GALR3: variants seen among roughly 807,000 people sequenced by gnomAD.
GALR3 encodes galanin receptor type 3.
Under a neutral mutation model 6.9 loss-of-function variants are expected in GALR3, and 5 were observed. The ratio of observed to expected loss-of-function variants is 0.72; its 90% CI spans 0.38 to 1.52. GALR3 has a LOEUF of 1.52. Among genes scored for constraint, GALR3 ranks in the 40% most tolerant of loss-of-function variants. The pLI is 0.03. For missense variants in GALR3, 570 were observed against 545.6 expected, an observed-to-expected ratio of 1.04 and a Z score of -0.44; for synonymous variants, 308 against 263.6, an observed-to-expected ratio of 1.17 and a Z score of -1.63.
chr22:37,824,334 T>G (rs1439655916), intron 1 of GALR3, among the ~76,000 whole-genome samples: 1 of 152,014 alleles, frequency 6.6e-6, no homozygotes, highest in African/African-American at 2.4e-5. Flanking sequence ...GCCTCCCAAG[T>G]GCTGGGATTA....
chr22:37,824,862 G>C lies in GALR3; in HGVS notation c.499G>C (p.Gly167Arg). 1 of 1,411,998 alleles carries C rather than the reference G, an allele frequency of 7.1e-7. No individual in the cohort carries two copies. The highest frequency in any genetic ancestry group is 9.3e-7 in the Non-Finnish European group (1 of 1,077,754). The allele number at this position is 1,411,998 out of a possible 1,614,324, so 87.5% of individuals were successfully genotyped here. Reference sequence around the variant, plus strand: ...CAGCTACTACGGCACCGTGCGCTACGGCGCGCTGGAGCTCTGCGTGCCCGC... The same window carrying C: ...CAGCTACTACGGCACCGTGCGCTACCGCGCGCTGGAGCTCTGCGTGCCCGC... ...YLSYYGTVRY[G>R]ALELCVPAWE... Residue 167 changes from glycine to arginine, a missense_variant, in exon 2 of 2, where the codon GGC (glycine) becomes CGC (arginine). Coordinates refer to ENST00000249041, the MANE Select transcript of GALR3 (RefSeq NM_003614.2).
rs1436459292 is a variant in GALR3 at position 37,825,377 on chromosome 22, G to T, written c.1014G>T (p.Arg338=). Residue 338 remains arginine (R), a synonymous_variant, in exon 2 of 2, where the codon CGG becomes CGT. Coordinates refer to ENST00000249041, the MANE Select transcript of GALR3 (RefSeq NM_003614.2). ...SGPPGCPGDA[R]PSGRLLAGGG... ...CACCCGGCTGCCCCGGAGACGCCCG[G>T]CCTAGCGGGAGGCTGCTGGCTGGTG... is the stretch of plus-strand genomic sequence containing the variant. The T allele has an allele frequency of 2.2e-6, 3 of 1,381,872 alleles. No homozygotes were observed. The highest frequency in any genetic ancestry group is 2.8e-5 in the Admixed American group (1 of 35,988). 85.6% of individuals were successfully genotyped at this position (1,381,872 alleles called of 1,614,324 possible). A position where few individuals can be genotyped will look rare whatever the true frequency, so the allele number is the denominator to read the frequency against.
chr22:37,824,790 G>A lies in GALR3; in HGVS notation c.427G>A (p.Val143Met). Residue 143 changes from valine (V) to methionine (M), a missense_variant, in exon 2 of 2, where the codon GTG (valine) becomes ATG (methionine). Coordinates refer to ENST00000249041, the MANE Select transcript of GALR3 (RefSeq NM_003614.2). ...CACGCCGCGTAACGCCCGCGCCGCAGTGGGGCTGGTGTGGCTGCTGGCGGC... is the reference window on the plus strand; with the variant it reads ...CACGCCGCGTAACGCCCGCGCCGCAATGGGGCTGGTGTGGCTGCTGGCGGC... ...LRTPRNARAA[V>M]GLVWLLAALF... The A allele has an allele frequency of 1.5e-6, 2 of 1,331,488 alleles. No individual in the cohort carries two copies. The highest frequency in any genetic ancestry group is 1.9e-6 in the Non-Finnish European group (2 of 1,039,656). 82.5% of individuals were successfully genotyped at this position (1,331,488 alleles called of 1,614,324 possible).
Position 37,823,716 on chromosome 22 carries a change from C to T in GALR3, c.310C>T (p.Leu104Phe). The change falls in exon 1 of 2, where the codon CTC becomes TTC. Residue 104 changes from leucine (L) to phenylalanine (F), a missense_variant. By Grantham distance (22) the Leu-to-Phe change is conservative (BLOSUM62 0). Transcript: ENST00000249041. Reference protein sequence around the residue: ...VCKAVHLLIYLTMYASSFTLA... With the variant: ...VCKAVHLLIYFTMYASSFTLA... ...CAAGGCCGTGCACCTGCTCATCTAC[C>T]TCACCATGTACGCCAGCAGCTTTAC... 2 of 1,613,368 alleles carry T rather than the reference C, an allele frequency of 1.2e-6. No homozygotes were observed. The highest frequency in any genetic ancestry group is 1.7e-6 in the Non-Finnish European group (2 of 1,179,766).
At position 37,825,243 on chromosome 22, in the gene GALR3, G is replaced by C; in HGVS notation, c.880G>C (p.Ala294Pro). The C allele has an allele frequency of 6.9e-7, 1 of 1,444,732 alleles. No individual in the cohort carries two copies. The highest frequency in any genetic ancestry group is 1.9e-4 in the Middle Eastern group (1 of 5,334). The allele number at this position is 1,444,732 out of a possible 1,614,324, so 89.5% of individuals were successfully genotyped here. A position where few individuals can be genotyped will look rare whatever the true frequency, so the allele number is the denominator to read the frequency against. Residue 294 changes from alanine (A) to proline (P), a missense_variant, in exon 2 of 2, where the codon GCC becomes CCC. By Grantham distance (27) the Ala-to-Pro change is conservative. Transcript: ENST00000249041. ...SCLNPLVYALASRHFRARFRR... is the reference protein window; with the variant it reads ...SCLNPLVYALPSRHFRARFRR... ...CCTCAACCCGCTCGTCTACGCGCTC[G>C]CCTCGCGCCACTTCCGCGCGCGCTT...
rs1335670087 is a variant in GALR3 at position 37,823,566 on chromosome 22, GGCA to G, written c.164_166del (p.Ser55del). On this transcript the variant is annotated inframe_deletion, in exon 1 of 2. Transcript: ENST00000249041. Reference sequence around the variant, plus strand: ...TGGCCCGAGTGCCTGGCAGGAGCCTGGCAGCACCACGGACCTGTTCATCCTCAA... The same window carrying G: ...TGGCCCGAGTGCCTGGCAGGAGCCTGGCACCACGGACCTGTTCATCCTCAA... The G allele has an allele frequency of 1.2e-6, 2 of 1,601,482 alleles. No homozygotes were observed. The highest frequency in any genetic ancestry group is 1.7e-6 in the Non-Finnish European group (2 of 1,173,228).
intron 1 of GALR3, among the ~76,000 whole-genome samples, chr22:37,824,015 A>G (rs970802316): frequency 6.6e-6 from 1 of 152,178 alleles, no homozygotes; most frequent in African/African-American, 2.4e-5. Flanking sequence ...CTGAGTCTCA[A>G]GTGGCAGCAC....
rs571021482 is a variant in GALR3, at chr22:37,825,025, C to T, written c.662C>T (p.Ala221Val). Residue 221 changes from alanine to valine, a missense_variant, in exon 2 of 2, where the codon GCG becomes GTG. Physicochemically the swap from Ala to Val is moderately conservative, Grantham distance 64. Transcript: ENST00000249041. ...GCCGCCGTGGGTCCCGCGGGCGCGGCGGCGGCCGAGGCGCGGCGGAGGGCG... is the reference window on the plus strand; with the variant it reads ...GCCGCCGTGGGTCCCGCGGGCGCGGTGGCGGCCGAGGCGCGGCGGAGGGCG... Reference protein sequence around the residue: ...LWAAVGPAGAAAAEARRRATG... With the variant: ...LWAAVGPAGAVAAEARRRATG... 4,085 of 1,158,592 alleles carry T rather than the reference C, an allele frequency of 3.5e-3. 12 individuals carry two copies. Among genetic ancestry groups the T allele is most frequent in the Admixed American group, 4.6e-3 (96 of 21,080 alleles). 71.8% of individuals were successfully genotyped at this position (1,158,592 alleles called of 1,614,324 possible).
chr22:37,823,402 G>A lies in GALR3; in HGVS notation c.-5G>A, dbSNP rs761377725. On this transcript the variant is annotated 5_prime_UTR_variant, in exon 1 of 2. Coordinates refer to ENST00000249041, the MANE Select transcript of GALR3 (RefSeq NM_003614.2). ...TCTCTTCCCAGGTGCCCGTCTGATG[G>A]GGAGATGGCTGATGCCCAGAACATT... is the stretch of plus-strand genomic sequence containing the variant. The A allele has an allele frequency of 7.1e-6, 11 of 1,559,920 alleles. No homozygotes were observed. The East Asian group carries it at 2.0e-4, about 29-fold the overall frequency.
In GALR3 at chr22:37,823,742, G is replaced by A. The variant is rs748588930; in HGVS notation, c.336G>A (p.Thr112=). ...IYLTMYASSF[T]LAAVSVDRYL... ...TCACCATGTACGCCAGCAGCTTTAC[G>A]CTGGCTGCTGTCTCCGTGGACAGGT... Residue 112 remains threonine, a synonymous_variant, in exon 1 of 2, where the codon ACG becomes ACA. Coordinates refer to ENST00000249041, the MANE Select transcript of GALR3 (RefSeq NM_003614.2). 1 of 1,608,746 alleles carries A rather than the reference G, an allele frequency of 6.2e-7. No individual in the cohort carries two copies. The highest frequency in any genetic ancestry group is 8.5e-7 in the Non-Finnish European group (1 of 1,177,000).
In GALR3 at chr22:37,823,637, C is replaced by T. The variant is rs546609991; in HGVS notation, c.231C>T (p.Pro77=). The T allele has an allele frequency of 1.2e-6, 2 of 1,613,484 alleles. No homozygotes were observed. Among genetic ancestry groups the T allele is most frequent in the African/African-American group, 1.3e-5 (1 of 74,738 alleles). The part of the protein sequence containing the change: ...ADLCFILCCV[P]FQATIYTLDA... Reference sequence around the variant, plus strand: ...TCTGCTTCATCCTGTGCTGCGTGCCCTTCCAGGCCACCATCTACACGCTGG... The same window carrying T: ...TCTGCTTCATCCTGTGCTGCGTGCCTTTCCAGGCCACCATCTACACGCTGG... The change falls in exon 1 of 2, where the codon CCC becomes CCT. Residue 77 remains proline, a synonymous_variant. Transcript: ENST00000249041.
At chr22:37,824,441 T>A (rs1601709710) in intron 1 of GALR3, among the ~76,000 whole-genome samples, 1 of 152,126 alleles carries the variant, frequency 6.6e-6, no homozygotes, top group East Asian at 1.9e-4. Flanking sequence ...AAACTTGGGG[T>A]CAAATCCAGG....
intron 1 of GALR3, among the ~76,000 whole-genome samples, chr22:37,824,291 G>A (rs1056430091): frequency 6.6e-6 from 1 of 151,856 alleles, no homozygotes; most frequent in Non-Finnish European, 1.5e-5. Flanking sequence ...GGCTGGTCTC[G>A]AACCCCTGAC....
rs1922553459 is a variant in GALR3, at chr22:37,824,877, T to C, written c.514T>C (p.Cys172Arg). 1 of 1,398,088 alleles carries C rather than the reference T, an allele frequency of 7.2e-7. No homozygotes were observed. The highest frequency in any genetic ancestry group is 9.3e-7 in the Non-Finnish European group (1 of 1,072,162). The allele number at this position is 1,398,088 out of a possible 1,614,324, so 86.6% of individuals were successfully genotyped here. Residue 172 changes from cysteine to arginine, a missense_variant, in exon 2 of 2, where the codon TGC (cysteine) becomes CGC (arginine). Transcript: ENST00000249041. ...GTVRYGALEL[C>R]VPAWEDARRR... ...CGTGCGCTACGGCGCGCTGGAGCTCTGCGTGCCCGCCTGGGAGGACGCGCG... is the reference window on the plus strand; with the variant it reads ...CGTGCGCTACGGCGCGCTGGAGCTCCGCGTGCCCGCCTGGGAGGACGCGCG...
rs1347466243 is a variant in GALR3 at position 37,825,483 on chromosome 22, G to A, written c.*13G>A. ...AGGACCGGAATAAACCCTGCCGCCT[G>A]GACTCCGCCTGTGTCCGTCTGTCTC... is the stretch of plus-strand genomic sequence containing the variant. On this transcript the variant is annotated 3_prime_UTR_variant, in exon 2 of 2. Coordinates refer to ENST00000249041, the MANE Select transcript of GALR3 (RefSeq NM_003614.2). 9.2e-6 allele frequency: 12 copies of A among 1,306,384 alleles called. No homozygotes were observed. Among genetic ancestry groups the A allele is most frequent in the Non-Finnish European group, 1.1e-5 (11 of 1,024,796 alleles). The allele number at this position is 1,306,384 out of a possible 1,614,324, so 80.9% of individuals were successfully genotyped here. A position where few individuals can be genotyped will look rare whatever the true frequency, so the allele number is the denominator to read the frequency against.
At position 37,824,843 on chromosome 22, in the gene GALR3, C is replaced by T. The variant is rs1922551167; in HGVS notation, c.480C>T (p.Tyr160=). Residue 160 remains tyrosine (Y), a synonymous_variant, in exon 2 of 2, where the codon TAC becomes TAT. Coordinates refer to ENST00000249041, the MANE Select transcript of GALR3 (RefSeq NM_003614.2). The stretch of plus-strand genomic sequence containing the variant: ...TCTTCTCGGCGCCCTACCTCAGCTA[C>T]TACGGCACCGTGCGCTACGGCGCGC... ...AALFSAPYLS[Y]YGTVRYGALE... 1 of 1,419,228 alleles carries T rather than the reference C, an allele frequency of 7.0e-7. No homozygotes were observed. Among genetic ancestry groups the T allele is most frequent in the Non-Finnish European group, 9.2e-7 (1 of 1,081,386 alleles). The allele number at this position is 1,419,228 out of a possible 1,614,324, so 87.9% of individuals were successfully genotyped here.
rs543976777 is a variant in GALR3 at position 37,824,560 on chromosome 22, G to C, written c.360-163G>C. On this transcript the variant is annotated intron_variant, in intron 1 of 1. Coordinates refer to ENST00000249041, the MANE Select transcript of GALR3 (RefSeq NM_003614.2). ...AGTCACCGGGATCGGGCCCTTGCTA[G>C]GTGCAAGGGCCTAAGCACCTTGCGC... 5.5e-4 allele frequency among the ~76,000 whole-genome samples: 84 copies of C among 152,150 alleles called. No individual in the cohort carries two copies. The Middle Eastern group carries it at 0.017, about 31-fold the overall frequency.
At position 37,825,044 on chromosome 22, in the gene GALR3, G is replaced by A. The variant is rs1922562903; in HGVS notation, c.681G>A (p.Arg227=). 6.1e-6 allele frequency: 7 copies of A among 1,146,130 alleles called. No homozygotes were observed. Among genetic ancestry groups the A allele is most frequent in the Non-Finnish European group, 7.5e-6 (7 of 933,192 alleles). 71.0% of individuals were successfully genotyped at this position (1,146,130 alleles called of 1,614,324 possible). Residue 227 remains arginine, a synonymous_variant, in exon 2 of 2, where the codon CGG becomes CGA. Coordinates refer to ENST00000249041, the MANE Select transcript of GALR3 (RefSeq NM_003614.2). ...PAGAAAAEAR[R]RATGRAGRAM... ...GCGCGGCGGCGGCCGAGGCGCGGCG[G>A]AGGGCGACGGGCCGCGCGGGGCGCG...
Position 37,824,838 on chromosome 22 carries a change from AGCTACTACG to A in GALR3, c.478_486del (p.Tyr160_Gly162del). On this transcript the variant is annotated inframe_deletion, in exon 2 of 2. Transcript: ENST00000249041. ...GGCGCTCTTCTCGGCGCCCTACCTC[AGCTACTACG>A]GCACCGTGCGCTACGGCGCGCTGGA... 1 of 1,422,726 alleles carries A rather than the reference AGCTACTACG, an allele frequency of 7.0e-7. No individual in the cohort carries two copies. Among genetic ancestry groups the A allele is most frequent in the Non-Finnish European group, 9.2e-7 (1 of 1,083,992 alleles). The allele number at this position is 1,422,726 out of a possible 1,614,324, so 88.1% of individuals were successfully genotyped here. A position where few individuals can be genotyped will look rare whatever the true frequency, so the allele number is the denominator to read the frequency against.
Sources: gnomAD v4.1 joint callset for allele counts (sites outside exome capture counted in the v4.1 genomes callset) on GRCh38, gnomAD v4.1.1 for gene constraint, MANE v1.5 for transcripts, NCBI Gene and HGNC (gene_info 2026-07-23, HGNC 2026-07-21) for gene names.